The following OPCML variants were observed in gnomAD, a reference collection of about 807,000 sequenced individuals.
The protein encoded by OPCML is opioid binding protein/cell adhesion molecule like, also known as opioid-binding protein/cell adhesion molecule.
A neutral mutation model predicts 37.8 loss-of-function variants in OPCML; 13 were observed. The observed-to-expected ratio is 0.34, with a 90% confidence interval of 0.22 to 0.55. The LOEUF is 0.55. OPCML is among the 20% of genes least tolerant of loss of function. The pLI is 0.91. For missense variants in OPCML, 341 were observed against 435.6 expected, an observed-to-expected ratio of 0.78 and a Z score of 1.93; for synonymous variants, 176 against 168.8, an observed-to-expected ratio of 1.04 and a Z score of -0.33.
chr11:132,634,895 A>C (rs1940388856), intron 3 of OPCML, among the ~76,000 whole-genome samples: 2 of 151,976 alleles, frequency 1.3e-5, no homozygotes, highest in Admixed American at 1.3e-4. Flanking sequence ...CAGGACTAGA[A>C]CACAAGATTC....
intron 1 of OPCML, among the ~76,000 whole-genome samples, chr11:133,002,292 T>G (rs772556620): frequency 1.3e-5 from 2 of 152,188 alleles, no homozygotes; most frequent in South Asian, 4.1e-4. Flanking sequence ...CACTCAGCTT[T>G]TCAGAGCTGC....
chr11:132,642,475 G>C (rs1249826551), intron 3 of OPCML, among the ~76,000 whole-genome samples: 2 of 152,172 alleles, frequency 1.3e-5, no homozygotes, highest in Non-Finnish European at 2.9e-5. Flanking sequence ...AGGAGGCACA[G>C]TTATTCCATT....
At chr11:132,556,383 C>T (rs1017079880) in intron 3 of OPCML, among the ~76,000 whole-genome samples, 1 of 152,140 alleles carries the variant, frequency 6.6e-6, no homozygotes, top group African/African-American at 2.4e-5. Flanking sequence ...ATCTTCAAAA[C>T]ATTCAGGGTG....
intron 1 of OPCML, among the ~76,000 whole-genome samples, chr11:133,528,151 A>G (rs752240231): frequency 1.2e-4 from 18 of 152,240 alleles, no homozygotes; most frequent in East Asian, 3.8e-4. Flanking sequence ...TCTCTGATTA[A>G]TCTCAGGTTG....
At chr11:132,582,315 T>C (rs1162572790) in intron 3 of OPCML, among the ~76,000 whole-genome samples, 1 of 152,012 alleles carries the variant, frequency 6.6e-6, no homozygotes, top group Non-Finnish European at 1.5e-5. Flanking sequence ...ATCATAAACC[T>C]AAGTAAACAA....
chr11:133,222,624 G>A lies in OPCML; in HGVS notation c.62-279614C>T, dbSNP rs1173515261. Among the ~76,000 whole-genome samples, 6 of 152,140 alleles carry A rather than the reference G, an allele frequency of 3.9e-5. No individual in the cohort carries two copies. In the East Asian group the frequency reaches 1.2e-3, roughly 29 times the overall value. Reference sequence around the variant, plus strand: ...CAGCAGGTTGTGGGAAGTGGCCATGGGCTTGAACTCAGCCCGTCCAGCTCT... The same window carrying A: ...CAGCAGGTTGTGGGAAGTGGCCATGAGCTTGAACTCAGCCCGTCCAGCTCT... On this transcript the variant is annotated intron_variant, in intron 1 of 7. Transcript: ENST00000524381.
chr11:133,301,533 C>T (rs933240303), intron 1 of OPCML: 1 of 151,946 alleles, frequency 6.6e-6, no homozygotes, highest in African/African-American at 2.4e-5. Context: ...ACATTGAGAG[C>T]TTTTGTTAGG....
At chr11:132,725,208 G>T (rs530708778) in intron 2 of OPCML, among the ~76,000 whole-genome samples, 1 of 152,196 alleles carries the variant, frequency 6.6e-6, no homozygotes, top group Non-Finnish European at 1.5e-5. Flanking sequence ...ATATCCAGGC[G>T]TTTTCATACA....
At position 133,169,014 on chromosome 11, in the gene OPCML, C is replaced by A. The variant is rs532546024; in HGVS notation, c.62-226004G>T. Among the ~76,000 whole-genome samples the A allele has an allele frequency of 6.6e-5, 10 of 152,228 alleles. No individual in the cohort carries two copies. The South Asian group carries it at 1.7e-3, about 25-fold the overall frequency. ...GTGTGGTGGTGCATACCTGTAATCCCAGCTACTTGGGAGGTTGAGGCAGGA... is the reference window on the plus strand; with the variant it reads ...GTGTGGTGGTGCATACCTGTAATCCAAGCTACTTGGGAGGTTGAGGCAGGA... On this transcript the variant is annotated intron_variant, in intron 1 of 7. Transcript: ENST00000524381.
chr11:133,013,825 C>T (rs1947266475), intron 1 of OPCML, among the ~76,000 whole-genome samples: 1 of 152,148 alleles, frequency 6.6e-6, no homozygotes, highest in Admixed American at 6.5e-5. Context: ...TAATCAATTC[C>T]AATTCTCACC....
intron 1 of OPCML, among the ~76,000 whole-genome samples, chr11:133,406,456 A>G (rs933063369): frequency 1.3e-5 from 2 of 152,220 alleles, no homozygotes; most frequent in Admixed American, 6.5e-5. Context: ...CAGAGACAGC[A>G]AAGACCACAG....
intron 2 of OPCML, among the ~76,000 whole-genome samples, chr11:132,727,200 T>G (rs1944916450): frequency 6.6e-6 from 1 of 152,142 alleles, no homozygotes; most frequent in East Asian, 1.9e-4. Flanking sequence ...AAAACCAGCA[T>G]AGAGAGGTAG....
At chr11:133,376,544 T>C (rs529618555) in intron 1 of OPCML, among the ~76,000 whole-genome samples, 3 of 152,326 alleles carry the variant, frequency 2.0e-5, no homozygotes, top group East Asian at 1.9e-4. Context: ...GACATGTGTA[T>C]TATACATATA....
At chr11:133,297,568 C>T (rs1013451593) in intron 1 of OPCML, 1 of 152,162 alleles carries the variant, frequency 6.6e-6, no homozygotes, top group Non-Finnish European at 1.5e-5. Context: ...GGTTCTGTAG[C>T]TATGTGGTTC....
intron 1 of OPCML, among the ~76,000 whole-genome samples, chr11:133,480,190 C>T (rs1014977763): frequency 6.6e-6 from 1 of 152,214 alleles, no homozygotes; most frequent in Non-Finnish European, 1.5e-5. Context: ...ACATCTACAG[C>T]TAACCCATGC....
intron 1 of OPCML, among the ~76,000 whole-genome samples, chr11:133,348,396 T>C (rs1448496469): frequency 1.3e-5 from 2 of 152,178 alleles, no homozygotes; most frequent in Non-Finnish European, 2.9e-5. Flanking sequence ...AAATGTTTGA[T>C]AGGGGAGATT....
chr11:133,525,330 C>G (rs895538797), intron 1 of OPCML, among the ~76,000 whole-genome samples: 5 of 152,062 alleles, frequency 3.3e-5, no homozygotes, highest in Admixed American at 2.6e-4. Context: ...ACAGGTGAAG[C>G]CCTTGAGGAA....
At chr11:133,113,469 G>A (rs1949288172) in intron 1 of OPCML, among the ~76,000 whole-genome samples, 1 of 152,172 alleles carries the variant, frequency 6.6e-6, no homozygotes, top group African/African-American at 2.4e-5. Context: ...TTTTAGAATG[G>A]TTTCAGACAT....
chr11:133,271,289 C>G (rs1244402595), intron 1 of OPCML, among the ~76,000 whole-genome samples: 1 of 152,182 alleles, frequency 6.6e-6, no homozygotes, highest in African/African-American at 2.4e-5. Flanking sequence ...AAATAATCAT[C>G]CTCTCTTGCC....
Sources: allele counts gnomAD v4.1 joint callset (sites outside exome capture counted in the v4.1 genomes callset), GRCh38; gene constraint gnomAD v4.1.1; transcripts MANE v1.5; gene names NCBI Gene and HGNC (gene_info 2026-07-23, HGNC 2026-07-21).